The following SV2C variants were observed in gnomAD, a reference collection of about 807,000 sequenced individuals.
The protein encoded by SV2C is solute carrier family 22 member B3.
In SV2C, 49 loss-of-function variants were observed where a neutral mutation model predicts 79.7. The ratio of observed to expected loss-of-function variants is 0.61; its 90% CI spans 0.49 to 0.78. SV2C has a LOEUF of 0.78. SV2C is among the 30% of genes least tolerant of loss of function. The pLI is 0.00. For synonymous variants in SV2C, 334 were observed against 333.2 expected (o/e 1.00, Z -0.03); for missense variants, 833 against 912.9 (o/e 0.91, Z 1.13).
chr5:76,077,005 A>G, the SV2C span, among the ~76,000 whole-genome samples: 3 of 152,332 alleles, frequency 2.0e-5, no homozygotes, highest in East Asian at 5.8e-4. Flanking sequence ...AACATCTCGT[A>G]AAAGGATAGG....
chr5:76,096,770 A>G (rs764046458), intron 1 of SV2C, among the ~76,000 whole-genome samples: 9 of 152,104 alleles, frequency 5.9e-5, no homozygotes, highest in Non-Finnish European at 1.0e-4. Context: ...GCAGATTCCT[A>G]GGCCTCACCC....
At chr5:75,875,661 T>C in the SV2C span, among the ~76,000 whole-genome samples, 1 of 152,146 alleles carries the variant, frequency 6.6e-6, no homozygotes, top group African/African-American at 2.4e-5. Flanking sequence ...TGAGAGAATT[T>C]TGCAAACTAT....
At chr5:75,911,276 C>G in the SV2C span, 2 of 1,452,110 alleles carry the variant, frequency 1.4e-6, no homozygotes, top group Non-Finnish European at 1.9e-6. Context: ...TCCCCAGCTC[C>G]ATCACCAGGC....
At chr5:75,936,536 A>G in the SV2C span, among the ~76,000 whole-genome samples, 1 of 152,160 alleles carries the variant, frequency 6.6e-6, no homozygotes, top group Non-Finnish European at 1.5e-5. Flanking sequence ...TTTTATATCT[A>G]AAGGCCTGTT....
chr5:76,248,042 A>T (rs1022652764), intron 4 of SV2C, among the ~76,000 whole-genome samples: 1 of 152,210 alleles, frequency 6.6e-6, no homozygotes, highest in African/African-American at 2.4e-5. Context: ...CAGAGCTGCT[A>T]ATGATCAAGT....
intron 2 of SV2C, among the ~76,000 whole-genome samples, chr5:76,169,440 G>A (rs141949360): frequency 1.5e-3 from 229 of 152,276 alleles, no homozygotes; most frequent in African/African-American, 5.2e-3. Context: ...GGAATTAAGG[G>A]TATTACAAAG....
At chr5:76,342,819 T>C (rs565531710) in intron 12 of SV2C, among the ~76,000 whole-genome samples, 8 of 152,210 alleles carry the variant, frequency 5.3e-5, no homozygotes, top group Non-Finnish European at 1.2e-4. Flanking sequence ...CAGTCTTTTA[T>C]TGCATACATT....
chr5:76,110,911 G>T (rs987805784), intron 1 of SV2C, among the ~76,000 whole-genome samples: 2 of 152,118 alleles, frequency 1.3e-5, no homozygotes, highest in African/African-American at 2.4e-5. Context: ...TTAGATATGG[G>T]TTCACATTTG....
chr5:75,984,563 ATC>A, the SV2C span, among the ~76,000 whole-genome samples: 7 of 50,064 alleles, frequency 1.4e-4, no homozygotes, highest in Admixed American at 4.1e-4. Flanking sequence ...CTATCTATCT[ATC>A]TATATCTATC....
intron 4 of SV2C, among the ~76,000 whole-genome samples, chr5:76,221,853 C>T (rs775147979): frequency 2.0e-5 from 3 of 152,166 alleles, no homozygotes; most frequent in Admixed American, 1.3e-4. Context: ...GAGACAAAGG[C>T]ACCCATACCT....
chr5:76,233,101 C>CT, intron 4 of SV2C, among the ~76,000 whole-genome samples: 1 of 141,478 alleles, frequency 7.1e-6, no homozygotes, highest in East Asian at 1.9e-4. Context: ...TGTTTGTATC[C>CT]TCTTTTATTT....
chr5:75,879,188 A>G, the SV2C span, among the ~76,000 whole-genome samples: 1 of 152,146 alleles, frequency 6.6e-6, no homozygotes, highest in Non-Finnish European at 1.5e-5. Flanking sequence ...GGAGTGGACA[A>G]ATATTCAAAC....
the SV2C span, among the ~76,000 whole-genome samples, chr5:76,006,203 GCTT>G: frequency 1.3e-5 from 2 of 152,084 alleles, no homozygotes; most frequent in Non-Finnish European, 2.9e-5. Context: ...GTGACTGTCT[GCTT>G]CTTCTAGAAA....
chr5:76,036,970 C>G, the SV2C span, among the ~76,000 whole-genome samples: 2 of 152,128 alleles, frequency 1.3e-5, no homozygotes, highest in African/African-American at 4.8e-5. Context: ...CTCTAAACTT[C>G]CCTTCTTGCT....
At chr5:76,069,013 T>G in the SV2C span, among the ~76,000 whole-genome samples, 2 of 152,160 alleles carry the variant, frequency 1.3e-5, no homozygotes, top group African/African-American at 4.8e-5. Flanking sequence ...GAAAAACAGC[T>G]CAGGTATGCA....
chr5:75,949,656 C>T, the SV2C span, among the ~76,000 whole-genome samples: 1 of 152,088 alleles, frequency 6.6e-6, no homozygotes, highest in South Asian at 2.1e-4. Flanking sequence ...TCTTTCTTGG[C>T]TCTCATTTTT....
rs183936516 is a variant in SV2C, at chr5:76,301,540, C to T, written c.1995C>T (p.Asp665=). ...TCACTGTGGAACTGTACCCCACAGA[C>T]CGGAGGTATGTTGAAATGGGCCTCT... ...DVVTVELYPT[D]RRATGFGFLN... Residue 665 remains aspartate, a synonymous_variant, in exon 12 of 13, where the codon GAC becomes GAT. Coordinates refer to ENST00000502798, the MANE Select transcript of SV2C (RefSeq NM_014979.4). 1.2e-3 allele frequency: 1,912 copies of T among 1,612,068 alleles called. 3 individuals carry two copies. Among genetic ancestry groups the T allele is most frequent in the South Asian group, 1.6e-3 (148 of 90,812 alleles).
the SV2C span, among the ~76,000 whole-genome samples, chr5:75,994,677 T>A: frequency 0.19 from 29,208 of 152,018 alleles, 3,484 homozygotes; most frequent in East Asian, 0.62. Context: ...CCAGAAAGGA[T>A]TTAAGGTGAG....
intron 3 of SV2C, among the ~76,000 whole-genome samples, chr5:76,197,487 G>C (rs1744301838): frequency 6.6e-6 from 1 of 152,078 alleles, no homozygotes; most frequent in African/African-American, 2.4e-5. Context: ...ATAATAAATG[G>C]TGAGTACCTA....
Sources: gnomAD v4.1 joint callset for allele counts (sites outside exome capture counted in the v4.1 genomes callset) on GRCh38, gnomAD v4.1.1 for gene constraint, MANE v1.5 for transcripts, NCBI Gene and HGNC (gene_info 2026-07-23, HGNC 2026-07-21) for gene names.